The following ENTREP2 variants were observed in gnomAD, a reference collection of about 807,000 sequenced individuals.
ENTREP2 encodes the protein protein ENTREP2.
the ENTREP2 span, among the ~76,000 whole-genome samples, chr15:29,566,846 TACACACAC>T: frequency 2.1e-5 from 3 of 146,066 alleles, no homozygotes; most frequent in Non-Finnish European, 4.5e-5. Context: ...AAAGGAAAAA[TACACACAC>T]ACACACACAC....
At chr15:29,499,950 A>G in the ENTREP2 span, among the ~76,000 whole-genome samples, 1 of 152,198 alleles carries the variant, frequency 6.6e-6, no homozygotes, top group Non-Finnish European at 1.5e-5. Context: ...TGGAGTGTAT[A>G]CACTAATATC....
chr15:29,603,514 C>A, the ENTREP2 span, among the ~76,000 whole-genome samples: 2 of 152,162 alleles, frequency 1.3e-5, no homozygotes, highest in Non-Finnish European at 2.9e-5. Context: ...GGCTCTCCCA[C>A]AGGGCCTGGG....
the ENTREP2 span, among the ~76,000 whole-genome samples, chr15:29,468,408 C>A: frequency 6.6e-6 from 1 of 151,978 alleles, no homozygotes; most frequent in South Asian, 2.1e-4. Context: ...GTCCAGAGAT[C>A]GAGACCAGCC....
chr15:29,141,291 CA>C, the ENTREP2 span, among the ~76,000 whole-genome samples: 1 of 152,236 alleles, frequency 6.6e-6, no homozygotes, highest in Non-Finnish European at 1.5e-5. Context: ...ACTGAGGGCC[CA>C]CAGGATGTGA....
the ENTREP2 span, among the ~76,000 whole-genome samples, chr15:29,467,431 T>G: frequency 3.9e-5 from 6 of 152,134 alleles, no homozygotes; most frequent in Non-Finnish European, 7.4e-5. Context: ...CTTCAGAAAC[T>G]AAATGGCTAG....
At chr15:29,478,019 A>ATTTTTTTTT in the ENTREP2 span, among the ~76,000 whole-genome samples, 10 of 54,278 alleles carry the variant, frequency 1.8e-4, no homozygotes, top group South Asian at 1.9e-3. Context: ...ATATATATAT[A>ATTTTTTTTT]TTTTTTTTTT....
the ENTREP2 span, among the ~76,000 whole-genome samples, chr15:29,145,620 C>G: frequency 2.4e-5 from 1 of 42,502 alleles, no homozygotes; most frequent in East Asian, 6.8e-4. Flanking sequence ...GAGACTCCAT[C>G]TCAAAAAAAA....
chr15:29,606,821 T>TTTTC, the ENTREP2 span, among the ~76,000 whole-genome samples: 105 of 151,892 alleles, frequency 6.9e-4, no homozygotes, highest in Middle Eastern at 3.4e-3. Context: ...GCATTGAACC[T>TTTTC]TTTCTTTCTT....
chr15:29,202,296 C>CTATT, the ENTREP2 span, among the ~76,000 whole-genome samples: 1 of 151,810 alleles, frequency 6.6e-6, no homozygotes, highest in Admixed American at 6.6e-5. Flanking sequence ...TTCCTGACAC[C>CTATT]TATTTGCTTT....
At chr15:29,123,400 G>C in the ENTREP2 span, 7 of 1,548,404 alleles carry the variant, frequency 4.5e-6, no homozygotes, top group African/African-American at 9.6e-5. Context: ...CTCCTCGTTG[G>C]TGACAGCCAA....
At chr15:29,479,684 T>C in the ENTREP2 span, among the ~76,000 whole-genome samples, 3 of 148,224 alleles carry the variant, frequency 2.0e-5, no homozygotes, top group South Asian at 2.2e-4. Context: ...CACACATACA[T>C]ACACACACAC....
chr15:29,582,236 C>A, the ENTREP2 span, among the ~76,000 whole-genome samples: 1 of 152,060 alleles, frequency 6.6e-6, no homozygotes, highest in African/African-American at 2.4e-5. Context: ...GGTATTGGAG[C>A]AAATGGACAT....
chr15:29,293,951 G>C, the ENTREP2 span, among the ~76,000 whole-genome samples: 2 of 152,206 alleles, frequency 1.3e-5, no homozygotes, highest in African/African-American at 4.8e-5. Flanking sequence ...GGTGGGGGGA[G>C]ATTGTCTGGG....
the ENTREP2 span, among the ~76,000 whole-genome samples, chr15:29,633,222 T>A: frequency 6.6e-6 from 1 of 152,150 alleles, no homozygotes; most frequent in Non-Finnish European, 1.5e-5. Context: ...CAGGGCAGGA[T>A]GACAACATGT....
chr15:29,301,402 T>C, the ENTREP2 span, among the ~76,000 whole-genome samples: 1 of 152,246 alleles, frequency 6.6e-6, no homozygotes, highest in Non-Finnish European at 1.5e-5. Context: ...CTTAGAGTTT[T>C]CAGTAACAAA....
the ENTREP2 span, among the ~76,000 whole-genome samples, chr15:29,198,705 G>T: frequency 6.6e-6 from 1 of 152,220 alleles, no homozygotes. Flanking sequence ...GGCCTTCCAT[G>T]CCTCATTCCC....
At chr15:29,294,371 A>G in the ENTREP2 span, among the ~76,000 whole-genome samples, 1 of 152,232 alleles carries the variant, frequency 6.6e-6, no homozygotes, top group African/African-American at 2.4e-5. Context: ...GGAGATGGTG[A>G]CGAGTCTGAG....
chr15:29,255,906 C>T, the ENTREP2 span, among the ~76,000 whole-genome samples: 1 of 149,668 alleles, frequency 6.7e-6, no homozygotes, highest in African/African-American at 2.5e-5. Flanking sequence ...GATGCTGAGG[C>T]AGGAGAATAG....
chr15:29,243,842 A>G, the ENTREP2 span, among the ~76,000 whole-genome samples: 2 of 152,228 alleles, frequency 1.3e-5, no homozygotes, highest in Non-Finnish European at 2.9e-5. Flanking sequence ...AATACGTTAA[A>G]AGTAGTCAAA....
Sources: allele counts gnomAD v4.1 joint callset (sites outside exome capture counted in the v4.1 genomes callset), GRCh38; gene constraint gnomAD v4.1.1; transcripts MANE v1.5; gene names NCBI Gene and HGNC (gene_info 2026-07-23, HGNC 2026-07-21).